The following TCF4 variants were observed in gnomAD, a reference collection of about 807,000 sequenced individuals.
The protein encoded by TCF4 is transcription factor 4.
In TCF4, 3 loss-of-function variants were observed where a neutral mutation model predicts 82.1. That is an observed-to-expected ratio of 0.04 (90% confidence interval 0.02 to 0.09). The LOEUF is 0.09. Among genes scored for constraint, TCF4 ranks in the 10% least tolerant of loss-of-function variants. The pLI is 1.00. For missense variants in TCF4, 518 were observed against 852.7 expected (o/e 0.61, Z 4.89); for synonymous variants, 276 against 309.6 (o/e 0.89, Z 1.14).
chr18:55,261,069 CT>C (rs78112276), intron 12 of TCF4: 2,225 of 91,860 alleles, frequency 0.024, 39 homozygotes, highest in African/African-American at 0.074. Context: ...CAGTTATTGT[CT>C]TTTTTTTTTT....
At chr18:55,564,240 G>A (rs991820967) in intron 3 of TCF4, among the ~76,000 whole-genome samples, 1 of 152,172 alleles carries the variant, frequency 6.6e-6, no homozygotes, top group African/African-American at 2.4e-5. Context: ...GTATACAGCA[G>A]CAGAAGGAAA....
chr18:55,297,192 A>G (rs1225586363), intron 8 of TCF4, among the ~76,000 whole-genome samples: 3 of 120,946 alleles, frequency 2.5e-5, no homozygotes, highest in Admixed American at 1.8e-4. Context: ...TCAGGAAGCC[A>G]TGATTTCCAA....
chr18:55,569,816 AAT>A, intron 3 of TCF4, among the ~76,000 whole-genome samples: 1 of 152,162 alleles, frequency 6.6e-6, no homozygotes, highest in Non-Finnish European at 1.5e-5. Flanking sequence ...TTAAATGCAT[AAT>A]AATTCTCCCA....
intron 2 of TCF4, among the ~76,000 whole-genome samples, chr18:55,597,647 A>T (rs1226443436): frequency 6.6e-6 from 1 of 152,086 alleles, no homozygotes; most frequent in African/African-American, 2.4e-5. Context: ...AGCCTGGGTG[A>T]CAAAGCAAGA....
chr18:55,330,551 A>C (rs567674891), intron 8 of TCF4, among the ~76,000 whole-genome samples: 1 of 151,524 alleles, frequency 6.6e-6, no homozygotes, highest in African/African-American at 2.4e-5. Flanking sequence ...TAAAAATCTA[A>C]ATGTATTGTG....
chr18:55,630,392 C>G (rs1387250551), intron 2 of TCF4, among the ~76,000 whole-genome samples: 1 of 152,072 alleles, frequency 6.6e-6, no homozygotes, highest in South Asian at 2.1e-4. Context: ...CTGTGCTAGA[C>G]ACTGGGAATT....
rs768753907 is a variant in TCF4, at chr18:55,279,521, GCCTTTCCCT to G, written c.655+21_655+29del. 3.1e-6 allele frequency: 5 copies of G among 1,613,410 alleles called. 1 individual carries two copies. In the South Asian group the frequency reaches 4.4e-5, roughly 14 times the overall value. ...TGACCCAGGAAAATGCTATCCAGTG[GCCTTTCCCT>G]CAGAAGCAGCAGCATCTTACCTTGC... On this transcript the variant is annotated intron_variant, in intron 9 of 19. Transcript: ENST00000354452.
At chr18:55,234,192 C>A (rs1447954086) in intron 16 of TCF4, among the ~76,000 whole-genome samples, 1 of 152,150 alleles carries the variant, frequency 6.6e-6, no homozygotes, top group East Asian at 1.9e-4. Flanking sequence ...CAATTTCCTT[C>A]CTTCCTATTC....
chr18:55,313,642 G>A (rs1414937962), intron 8 of TCF4, among the ~76,000 whole-genome samples: 1 of 151,986 alleles, frequency 6.6e-6, no homozygotes, highest in African/African-American at 2.4e-5. Context: ...AATGAATTAC[G>A]GACAATGAAC....
intron 3 of TCF4, among the ~76,000 whole-genome samples, chr18:55,503,611 T>C (rs1163220011): frequency 6.6e-6 from 1 of 152,180 alleles, no homozygotes; most frequent in Non-Finnish European, 1.5e-5. Flanking sequence ...CTTCCAACAA[T>C]ACCTAGAAAA....
chr18:55,539,885 G>C (rs1183216871), intron 3 of TCF4, among the ~76,000 whole-genome samples: 4 of 152,002 alleles, frequency 2.6e-5, no homozygotes, highest in Non-Finnish European at 5.9e-5. Flanking sequence ...AAACAGATCA[G>C]AATAAATTAC....
chr18:55,269,809 A>T, intron 11 of TCF4, 22 bp downstream of exon 11: 1 of 1,612,772 alleles, frequency 6.2e-7, no homozygotes, highest in Non-Finnish European at 8.5e-7. Flanking sequence ...TTGGTATCAG[A>T]ATTGGCATTT....
chr18:55,610,085 A>G (rs2097705745), intron 2 of TCF4, among the ~76,000 whole-genome samples: 1 of 152,166 alleles, frequency 6.6e-6, no homozygotes, highest in African/African-American at 2.4e-5. Context: ...CTAGCCTGTA[A>G]CAGGCACTGG....
At chr18:55,244,383 A>G (rs1263873442) in intron 15 of TCF4, among the ~76,000 whole-genome samples, 1 of 152,212 alleles carries the variant, frequency 6.6e-6, no homozygotes, top group Non-Finnish European at 1.5e-5. Flanking sequence ...CACCCAAAGG[A>G]GACTAGAGCG....
chr18:55,536,408 T>C (rs929845302), intron 3 of TCF4, among the ~76,000 whole-genome samples: 1 of 152,154 alleles, frequency 6.6e-6, no homozygotes. Flanking sequence ...CATGAAACCA[T>C]AGCTCTATAG....
At chr18:55,333,588 G>T (rs2078020498) in intron 8 of TCF4, among the ~76,000 whole-genome samples, 1 of 152,072 alleles carries the variant, frequency 6.6e-6, no homozygotes, top group Non-Finnish European at 1.5e-5. Flanking sequence ...GACATTTAAA[G>T]CTAACATCTT....
intron 6 of TCF4, among the ~76,000 whole-genome samples, chr18:55,384,347 T>C (rs1354670370): frequency 6.6e-6 from 1 of 152,150 alleles, no homozygotes; most frequent in African/African-American, 2.4e-5. Flanking sequence ...AGTGTGCCTA[T>C]AAAAAATCAC....
intron 6 of TCF4, among the ~76,000 whole-genome samples, chr18:55,357,635 A>G (rs1023888438): frequency 2.0e-5 from 3 of 152,222 alleles, no homozygotes; most frequent in Non-Finnish European, 2.9e-5. Flanking sequence ...ATAAAGGCAT[A>G]TCAAACTGTC....
intron 3 of TCF4, among the ~76,000 whole-genome samples, chr18:55,538,479 A>C (rs943209248): frequency 6.6e-6 from 1 of 152,220 alleles, no homozygotes; most frequent in Non-Finnish European, 1.5e-5. Context: ...TCTGAATGTA[A>C]CACTGTAGTT....
Sources: allele counts gnomAD v4.1 joint callset (sites outside exome capture counted in the v4.1 genomes callset), GRCh38; gene constraint gnomAD v4.1.1; transcripts MANE v1.5; gene names NCBI Gene and HGNC (gene_info 2026-07-23, HGNC 2026-07-21).